Variants in ABTB2 observed in about 807,000 individuals in gnomAD.
The protein encoded by ABTB2 is ankyrin repeat and BTB/POZ domain-containing protein 2.
ABTB2 carries 56 observed loss-of-function variants against 104.1 expected under a neutral mutation model. The observed-to-expected ratio is 0.54, with a 90% CI of 0.43 to 0.67. The LOEUF is 0.67. ABTB2 is among the 30% of genes least tolerant of loss of function. The pLI, the probability that ABTB2 is intolerant of heterozygous loss-of-function variation, is 0.00. For missense variants in ABTB2, 1,279 were observed against 1,407.7 expected, an observed-to-expected ratio of 0.91 and a Z score of 1.46; for synonymous variants, 606 against 608.2, an observed-to-expected ratio of 1.00 and a Z score of 0.05.
At chr11:34,231,390 C>T (rs567758011) in intron 1 of ABTB2, among the ~76,000 whole-genome samples, 1 of 152,248 alleles carries the variant, frequency 6.6e-6, no homozygotes, top group South Asian at 2.1e-4. Flanking sequence ...AGCATAACTT[C>T]CCATCCCTTA....
chr11:34,306,407 T>C (rs985144230), intron 1 of ABTB2, among the ~76,000 whole-genome samples: 1 of 151,448 alleles, frequency 6.6e-6, no homozygotes, highest in Non-Finnish European at 1.5e-5. Flanking sequence ...CCACCACACC[T>C]GGTTAATTTT....
chr11:34,310,241 T>C (rs975662707), intron 1 of ABTB2, among the ~76,000 whole-genome samples: 7 of 152,172 alleles, frequency 4.6e-5, no homozygotes, highest in African/African-American at 1.4e-4. Flanking sequence ...TTATCCCATT[T>C]TCACTTTACC....
At chr11:34,323,712 A>G (rs928225996) in intron 1 of ABTB2, among the ~76,000 whole-genome samples, 51 of 152,292 alleles carry the variant, frequency 3.3e-4, no homozygotes, top group African/African-American at 1.1e-3. Flanking sequence ...CATGTAGAAC[A>G]ATCTCCATGA....
intron 1 of ABTB2, among the ~76,000 whole-genome samples, chr11:34,267,020 G>A (rs1054490542): frequency 6.6e-6 from 1 of 151,866 alleles, no homozygotes; most frequent in Non-Finnish European, 1.5e-5. Flanking sequence ...TGGTAGGGGA[G>A]GGAGGGGCGG....
chr11:34,215,814 T>C (rs1853543289), intron 1 of ABTB2, among the ~76,000 whole-genome samples: 1 of 152,200 alleles, frequency 6.6e-6, no homozygotes, highest in East Asian at 1.9e-4. Flanking sequence ...GCCTGATTCC[T>C]AGGGCTGATG....
At chr11:34,211,357 C>T (rs1313447688) in intron 1 of ABTB2, among the ~76,000 whole-genome samples, 3 of 152,114 alleles carry the variant, frequency 2.0e-5, no homozygotes, top group Non-Finnish European at 4.4e-5. Context: ...AATCTGCCCG[C>T]CTCAGCTTCC....
chr11:34,297,875 C>T (rs1037988979), intron 1 of ABTB2, among the ~76,000 whole-genome samples: 7 of 151,494 alleles, frequency 4.6e-5, no homozygotes, highest in Admixed American at 1.3e-4. Flanking sequence ...GAGGTGATTA[C>T]GCCATGAAAG....
intron 1 of ABTB2, among the ~76,000 whole-genome samples, chr11:34,341,844 CG>C (rs1855265499): frequency 6.6e-6 from 1 of 152,154 alleles, no homozygotes. Flanking sequence ...GATCTTGGAA[CG>C]TTTTCAGCTG....
chr11:34,187,486 T>G (rs1045366984), intron 3 of ABTB2, among the ~76,000 whole-genome samples: 3 of 140,004 alleles, frequency 2.1e-5, no homozygotes, highest in African/African-American at 7.8e-5. Context: ...CTCGTCTACC[T>G]TATCTTCTTT....
chr11:34,202,085 C>T (rs767294755), intron 2 of ABTB2, among the ~76,000 whole-genome samples: 1 of 152,188 alleles, frequency 6.6e-6, no homozygotes. Flanking sequence ...TCTCAGGAAG[C>T]TGACTCTTCT....
At position 34,334,770 on chromosome 11, in the gene ABTB2, T is replaced by G. The variant is rs1169072589; in HGVS notation, c.883+21931A>C. Reference sequence around the variant, plus strand: ...CTTCAGCACATCTTAATATTTGGGTTTTTTTTTTTTTTCGTAACCAAATGT... The same window carrying G: ...CTTCAGCACATCTTAATATTTGGGTGTTTTTTTTTTTTCGTAACCAAATGT... On this transcript the variant is annotated intron_variant, in intron 1 of 16. Transcript: ENST00000435224. Among the ~76,000 whole-genome samples the G allele has an allele frequency of 9.9e-4, 5 of 5,064 alleles. No individual in the cohort carries two copies. In the South Asian group the frequency reaches 0.035, roughly 35 times the overall value. The allele number at this position is 5,064 out of a possible 152,430, so 3.3% of individuals were successfully genotyped here.
intron 4 of ABTB2, among the ~76,000 whole-genome samples, chr11:34,172,075 T>TA (rs964093645): frequency 1.3e-5 from 2 of 151,286 alleles, no homozygotes; most frequent in Non-Finnish European, 3.0e-5. Flanking sequence ...GGCAGAGGGT[T>TA]AAAAAAAAGA....
At position 34,154,714 on chromosome 11, in the gene ABTB2, G is replaced by C. The variant is rs769038633; in HGVS notation, c.2753C>G (p.Thr918Ser). The change falls in exon 15 of 17, where the codon ACT becomes AGT. Residue 918 changes from threonine to serine, a missense_variant. Physicochemically the swap from Thr to Ser is moderately conservative, Grantham distance 58. Transcript: ENST00000435224. This position sits in a 1 kb window ranked among gnomAD's most constrained non-coding sequence, Gnocchi z 4.9. ...CCCGAGTCTCACCTCCAGGATGTCA[G>C]TGGTGGGGATCTCCATGGATTCTGT... is the stretch of plus-strand genomic sequence containing the variant. ...GGTESMEIPT[T>S]DILELLSAAS... 6.2e-7 allele frequency: 1 copy of C among 1,614,228 alleles called. No homozygotes were observed. Among genetic ancestry groups the C allele is most frequent in the South Asian group, 1.1e-5 (1 of 91,092 alleles).
At chr11:34,191,101 C>T (rs1453745331) in intron 3 of ABTB2, among the ~76,000 whole-genome samples, 1 of 152,180 alleles carries the variant, frequency 6.6e-6, no homozygotes, top group African/African-American at 2.4e-5. Flanking sequence ...CCCTCCTCCC[C>T]TTGGTCACCA....
At chr11:34,310,849 C>T (rs1397816344) in intron 1 of ABTB2, among the ~76,000 whole-genome samples, 1 of 151,700 alleles carries the variant, frequency 6.6e-6, no homozygotes, top group African/African-American at 2.4e-5. Flanking sequence ...GTCCCTTGCA[C>T]AGCTCCCCAC....
At chr11:34,184,613 G>A (rs986102300) in intron 3 of ABTB2, among the ~76,000 whole-genome samples, 1 of 152,230 alleles carries the variant, frequency 6.6e-6, no homozygotes, top group Non-Finnish European at 1.5e-5. Context: ...AGCCCTGCAA[G>A]GGCCAGGACA....
At chr11:34,248,126 G>C (rs978062385) in intron 1 of ABTB2, among the ~76,000 whole-genome samples, 3 of 101,074 alleles carry the variant, frequency 3.0e-5, no homozygotes, top group African/African-American at 4.7e-5. Flanking sequence ...AAAAAAACAG[G>C]GTCTTGCCCT....
At chr11:34,162,848 C>T (rs746586356) in intron 9 of ABTB2, 43 bp from the exon 10 acceptor site, 6 of 1,539,254 alleles carry the variant, frequency 3.9e-6, no homozygotes, top group Non-Finnish European at 5.2e-6. Flanking sequence ...TGAAGTCCCA[C>T]AGGCAGTGCC....
intron 8 of ABTB2, 68 bp downstream of exon 8, chr11:34,165,192 C>T (rs2133010038): frequency 1.4e-6 from 2 of 1,411,826 alleles, no homozygotes; most frequent in Non-Finnish European, 1.9e-6. Context: ...CGTCCAGCTA[C>T]ATGCCTGGCC....
Sources: allele counts gnomAD v4.1 joint callset (sites outside exome capture counted in the v4.1 genomes callset), GRCh38; gene constraint gnomAD v4.1.1; non-coding constraint Gnocchi (gnomAD v3.1); transcripts MANE v1.5; gene names NCBI Gene and HGNC (gene_info 2026-07-23, HGNC 2026-07-21).